Variants in TMEM40 observed in about 807,000 individuals in gnomAD.
TMEM40 encodes the protein transmembrane protein 40.
Under a neutral mutation model 40.8 loss-of-function variants are expected in TMEM40, and 34 were observed. That is an observed-to-expected ratio of 0.83 (90% CI 0.63 to 1.11). The LOEUF is 1.11. Among genes scored for constraint, TMEM40 ranks in the 50% least tolerant of loss-of-function variants. The pLI is 0.00. For missense variants in TMEM40, 296 were observed against 280.2 expected, an observed-to-expected ratio of 1.06 and a Z score of -0.40; for synonymous variants, 106 against 107.0, an observed-to-expected ratio of 0.99 and a Z score of 0.06.
chr3:12,752,802 C>CA lies in TMEM40; in HGVS notation c.-8-2963dup, dbSNP rs76321894. Among the ~76,000 whole-genome samples, 374 of 136,786 alleles carry CA rather than the reference C, an allele frequency of 2.7e-3. 1 individual carries two copies. The highest frequency in any genetic ancestry group is 4.3e-3 in the Non-Finnish European group (267 of 62,788). 89.7% of individuals were successfully genotyped at this position (136,786 alleles called of 152,430 possible). ...TGGGCGACAGGGCAAGACTCTGTCT[C>CA]AAAAAAAAAAAGAAAGAAAGAAAGA... On this transcript the variant is annotated intron_variant, in intron 1 of 11. Coordinates refer to ENST00000314124, the MANE Select transcript of TMEM40 (RefSeq NM_018306.4).
chr3:12,753,564 C>G (rs1575742295), intron 1 of TMEM40, among the ~76,000 whole-genome samples: 1 of 152,128 alleles, frequency 6.6e-6, no homozygotes, highest in African/African-American at 2.4e-5. Context: ...GACTGAGGCT[C>G]AGGTAGAGGA....
chr3:12,742,366 A>T, intron 5 of TMEM40, 88 bp downstream of exon 5: 1 of 1,474,228 alleles, frequency 6.8e-7, no homozygotes, highest in Non-Finnish European at 9.4e-7. Context: ...CAGCTCATGA[A>T]TCACCCTCAT....
intron 1 of TMEM40, among the ~76,000 whole-genome samples, chr3:12,757,205 CAT>C (rs1483615339): frequency 1.3e-5 from 2 of 152,168 alleles, no homozygotes; most frequent in African/African-American, 2.4e-5. Context: ...TGCGGTGGCT[CAT>C]GTCTGTAATC....
intron 1 of TMEM40, among the ~76,000 whole-genome samples, chr3:12,766,561 C>G: frequency 6.7e-6 from 1 of 149,922 alleles, no homozygotes; most frequent in Non-Finnish European, 1.5e-5. Context: ...TGCCACTGCA[C>G]TCCAGCCTGG....
upstream of TMEM40, among the ~76,000 whole-genome samples, chr3:12,763,882 A>G (rs1456385468): frequency 6.6e-6 from 1 of 152,158 alleles, no homozygotes; most frequent in African/African-American, 2.4e-5. Flanking sequence ...ATGAGCACCC[A>G]GGAGCCTGGT....
intron 1 of TMEM40, among the ~76,000 whole-genome samples, chr3:12,766,860 C>T (rs1161007549): frequency 6.9e-6 from 1 of 145,450 alleles, no homozygotes; most frequent in Non-Finnish European, 1.5e-5. Flanking sequence ...GACCAGGACC[C>T]AGATCTCCTC....
chr3:12,749,267 G>A (rs2106615702), intron 2 of TMEM40, among the ~76,000 whole-genome samples: 1 of 152,222 alleles, frequency 6.6e-6, no homozygotes, highest in African/African-American at 2.4e-5. Context: ...CTTCTGATCT[G>A]CCCGCCTCGG....
intron 1 of TMEM40, among the ~76,000 whole-genome samples, chr3:12,765,409 T>C (rs1397973224): frequency 6.6e-6 from 1 of 151,732 alleles, no homozygotes; most frequent in Non-Finnish European, 1.5e-5. Flanking sequence ...GCCCTTGGGG[T>C]GCCAACGAAG....
At chr3:12,746,094 C>T (rs915332278) in intron 3 of TMEM40, among the ~76,000 whole-genome samples, 1 of 151,954 alleles carries the variant, frequency 6.6e-6, no homozygotes, top group Non-Finnish European at 1.5e-5. Flanking sequence ...GACGAGGTTT[C>T]ACCATGTTGG....
intron 10 of TMEM40, among the ~76,000 whole-genome samples, chr3:12,736,255 TCTC>T (rs890334316): frequency 5.3e-5 from 8 of 151,864 alleles, no homozygotes; most frequent in African/African-American, 1.9e-4. Context: ...TTCAAGCACT[TCTC>T]CTGTCTCAGC....
chr3:12,753,964 C>G (rs1290266437), intron 1 of TMEM40, among the ~76,000 whole-genome samples: 1 of 152,142 alleles, frequency 6.6e-6, no homozygotes, highest in Non-Finnish European at 1.5e-5. Flanking sequence ...TTGACTCTCA[C>G]ACAACCAGGA....
At position 12,743,899 on chromosome 3, in the gene TMEM40, C is replaced by A. The variant is rs569143436; in HGVS notation, c.301+1G>T. On this transcript the variant is annotated splice_donor_variant, in intron 4 of 11. Transcript: ENST00000314124. LOFTEE classifies it high-confidence loss of function. ...GAAAAATGGTAAGGCCTATTTCCTA[C>A]CGGGTGAGCCGTTCCCGTGGGGGTA... is the stretch of plus-strand genomic sequence containing the variant. The A allele has an allele frequency of 6.2e-7, 1 of 1,612,968 alleles. No individual in the cohort carries two copies. Among genetic ancestry groups the A allele is most frequent in the East Asian group, 2.2e-5 (1 of 44,862 alleles).
At chr3:12,749,138 C>A (rs2061453176) in intron 2 of TMEM40, among the ~76,000 whole-genome samples, 1 of 152,080 alleles carries the variant, frequency 6.6e-6, no homozygotes, top group African/African-American at 2.4e-5. Context: ...CATTCTCCTG[C>A]CTCAGCCTCC....
chr3:12,756,736 C>A (rs1199833919), intron 1 of TMEM40, among the ~76,000 whole-genome samples: 1 of 151,974 alleles, frequency 6.6e-6, no homozygotes, highest in African/African-American at 2.4e-5. Flanking sequence ...GTCTCTGTTT[C>A]TTTCTTTCCC....
At chr3:12,745,273 A>C (rs1404269626) in intron 3 of TMEM40, among the ~76,000 whole-genome samples, 2 of 141,990 alleles carry the variant, frequency 1.4e-5, no homozygotes, top group Non-Finnish European at 3.0e-5. Flanking sequence ...TCACCATGTT[A>C]GTGAGGCTGG....
intron 3 of TMEM40, among the ~76,000 whole-genome samples, chr3:12,747,034 G>A (rs1035043575): frequency 6.6e-6 from 1 of 152,034 alleles, no homozygotes; most frequent in Non-Finnish European, 1.5e-5. Flanking sequence ...TAAATGGGGC[G>A]ATGGCTTCCT....
At chr3:12,760,977 A>G (rs939174235), upstream of TMEM40, among the ~76,000 whole-genome samples, 5 of 152,332 alleles carry the variant, frequency 3.3e-5, no homozygotes, top group African/African-American at 1.2e-4. Flanking sequence ...GCCTCAAGCG[A>G]TCCTCCGGCC....
rs940981504 is a variant in TMEM40, at chr3:12,744,196, C to T, written c.212-207G>A. Among the ~76,000 whole-genome samples, 18 of 152,130 alleles carry T rather than the reference C, an allele frequency of 1.2e-4. 1 individual carries two copies. Among genetic ancestry groups the T allele is most frequent in the African/African-American group, 3.4e-4 (14 of 41,416 alleles). On this transcript the variant is annotated intron_variant, in intron 3 of 11. Coordinates refer to ENST00000314124, the MANE Select transcript of TMEM40 (RefSeq NM_018306.4). ...AATCCCTTAATATTTCTGTTGATTT[C>T]GTGTCTACATAATATTTCTGCTTCT...
Position 12,738,541 on chromosome 3 carries a change from C to A in TMEM40, c.391+12G>T. 1 of 1,614,048 alleles carries A rather than the reference C, an allele frequency of 6.2e-7. No homozygotes were observed. The highest frequency in any genetic ancestry group is 2.2e-5 in the East Asian group (1 of 44,878). On this transcript the variant is annotated intron_variant, in intron 6 of 11. Coordinates refer to ENST00000314124, the MANE Select transcript of TMEM40 (RefSeq NM_018306.4). ...AGCACCAACGACCTCTCTCCTCTAA[C>A]TGGACACTCACCTGATTCCCCAGAG...
Sources: allele counts gnomAD v4.1 joint callset (sites outside exome capture counted in the v4.1 genomes callset), GRCh38; gene constraint gnomAD v4.1.1; transcripts MANE v1.5; gene names NCBI Gene and HGNC (gene_info 2026-07-23, HGNC 2026-07-21).